DPYD: variants seen among roughly 807,000 people sequenced by gnomAD.
DPYD encodes dihydropyrimidine dehydrogenase [NADP(+)].
DPYD carries 109 observed loss-of-function variants against 116.2 expected under a neutral mutation model. The ratio of observed to expected loss-of-function variants is 0.94; its 90% confidence interval spans 0.80 to 1.10. DPYD has a LOEUF of 1.10. Among genes scored for constraint, DPYD ranks in the 50% least tolerant of loss-of-function variants. DPYD has a pLI of 0.00. For missense variants in DPYD, 1,302 were observed against 1,254.5 expected, an observed-to-expected ratio of 1.04 and a Z score of -0.57; for synonymous variants, 440 against 432.0, an observed-to-expected ratio of 1.02 and a Z score of -0.23.
At chr1:97,453,522 T>C (rs955749995) in intron 13 of DPYD, among the ~76,000 whole-genome samples, 2 of 152,126 alleles carry the variant, frequency 1.3e-5, no homozygotes, top group Non-Finnish European at 2.9e-5. Context: ...GTTCAGGAAT[T>C]CTAAGCTATA....
chr1:97,221,013 T>G (rs1272311145), intron 19 of DPYD, among the ~76,000 whole-genome samples: 1 of 152,232 alleles, frequency 6.6e-6, no homozygotes, highest in African/African-American at 2.4e-5. Context: ...GCCAGTCTTC[T>G]AGAAATCTCA....
intron 8 of DPYD, among the ~76,000 whole-genome samples, chr1:97,644,461 A>G (rs1658127506): frequency 6.6e-6 from 1 of 151,954 alleles, no homozygotes; most frequent in Non-Finnish European, 1.5e-5. Flanking sequence ...CAGAGTCTCC[A>G]TCTATTGCCC....
At chr1:97,785,963 G>A (rs985373691) in intron 3 of DPYD, among the ~76,000 whole-genome samples, 1 of 151,080 alleles carries the variant, frequency 6.6e-6, no homozygotes, top group African/African-American at 2.4e-5. Flanking sequence ...AAAGTGCTGG[G>A]ATTACAGGCT....
intron 8 of DPYD, among the ~76,000 whole-genome samples, chr1:97,609,752 CTAGTCTGAA>C: frequency 6.6e-6 from 1 of 151,898 alleles, no homozygotes; most frequent in Non-Finnish European, 1.5e-5. Flanking sequence ...GAAGCTTAAC[CTAGTCTGAA>C]AATTTGGCAT....
intron 16 of DPYD, among the ~76,000 whole-genome samples, chr1:97,363,949 C>T (rs76652879): frequency 0.036 from 5,485 of 152,090 alleles, 470 homozygotes; most frequent in East Asian, 0.26. Flanking sequence ...TTAAATTATA[C>T]GTATAAAAAA....
intron 5 of DPYD, among the ~76,000 whole-genome samples, chr1:97,716,775 A>G (rs1004127378): frequency 1.3e-5 from 2 of 152,224 alleles, no homozygotes; most frequent in East Asian, 3.9e-4. Flanking sequence ...CTTAGGAAAC[A>G]TAAAACATAG....
At chr1:97,360,718 G>A (rs559687415) in intron 16 of DPYD, among the ~76,000 whole-genome samples, 29 of 152,078 alleles carry the variant, frequency 1.9e-4, no homozygotes, top group African/African-American at 4.8e-4. Context: ...GGTAAATAAC[G>A]AAATTAAGGC....
chr1:97,195,598 G>A (rs12567803), intron 19 of DPYD, among the ~76,000 whole-genome samples: 934 of 70,180 alleles, frequency 0.013, 55 homozygotes, highest in African/African-American at 0.052. Flanking sequence ...ATATATATGT[G>A]TGTGTGTGTA....
At chr1:97,569,463 A>T (rs1198592871) in intron 11 of DPYD, among the ~76,000 whole-genome samples, 2 of 148,456 alleles carry the variant, frequency 1.3e-5, no homozygotes, top group Non-Finnish European at 3.0e-5. Flanking sequence ...ACATATATGT[A>T]TAATAAAATA....
intron 19 of DPYD, among the ~76,000 whole-genome samples, chr1:97,198,565 T>G (rs1280556887): frequency 1.3e-5 from 2 of 152,202 alleles, no homozygotes; most frequent in Non-Finnish European, 1.5e-5. Flanking sequence ...ATTGAGGGCC[T>G]TATCGCTATC....
chr1:97,887,469 TAAAAAAAAAAA>T lies in DPYD; in HGVS notation c.40-4106_40-4096del, dbSNP rs57316508. ...TGGGTGACAAAGTGAGACTCTGCAT[TAAAAAAAAAAA>T]AAAAAAAAAAAAAAAGTATATCCAG... On this transcript the variant is annotated intron_variant, in intron 1 of 22. Transcript: ENST00000370192. Among the ~76,000 whole-genome samples the T allele has an allele frequency of 3.4e-3, 161 of 47,142 alleles. 2 individuals are homozygous for T. The Middle Eastern group carries it at 0.067, about 20-fold the overall frequency. 30.9% of individuals were successfully genotyped at this position (47,142 alleles called of 152,430 possible).
intron 1 of DPYD, among the ~76,000 whole-genome samples, chr1:97,890,687 G>A (rs931764526): frequency 4.0e-5 from 6 of 151,812 alleles, no homozygotes; most frequent in African/African-American, 1.4e-4. Context: ...TTCAAATTGA[G>A]AAATAAAAAG....
intron 11 of DPYD, among the ~76,000 whole-genome samples, chr1:97,566,055 C>A (rs552393554): frequency 6.6e-6 from 1 of 152,252 alleles, no homozygotes; most frequent in East Asian, 1.9e-4. Flanking sequence ...TGGCTTCCCT[C>A]CCTTCCACCC....
chr1:97,633,880 G>A (rs1222593139), intron 8 of DPYD, among the ~76,000 whole-genome samples: 3 of 151,998 alleles, frequency 2.0e-5, no homozygotes, highest in Non-Finnish European at 4.4e-5. Flanking sequence ...GTGCAAACTC[G>A]TTTCAGCGTT....
At chr1:97,561,907 C>A (rs1652178717) in intron 11 of DPYD, among the ~76,000 whole-genome samples, 1 of 152,186 alleles carries the variant, frequency 6.6e-6, no homozygotes, top group South Asian at 2.1e-4. Flanking sequence ...CTTGCTGCTG[C>A]AAGTCATCTC....
At chr1:97,148,892 A>G (rs1654821382) in intron 20 of DPYD, among the ~76,000 whole-genome samples, 2 of 152,180 alleles carry the variant, frequency 1.3e-5, no homozygotes, top group Non-Finnish European at 2.9e-5. Flanking sequence ...CTTAACTTTC[A>G]ACTCAGTTAT....
In DPYD at chr1:97,737,832, AAAC is replaced by A. The variant is rs577783152; in HGVS notation, c.321+2557_321+2559del. 2.4e-4 allele frequency among the ~76,000 whole-genome samples: 36 copies of A among 152,302 alleles called. No homozygotes were observed. In the South Asian group the frequency reaches 7.2e-3, roughly 31 times the overall value. ...ATCAATGTAACTTTCTTATAAATGC[AAAC>A]ATTATTATCAATAATTTCTGCTGCT... On this transcript the variant is annotated intron_variant, in intron 4 of 22. Coordinates refer to ENST00000370192, the MANE Select transcript of DPYD (RefSeq NM_000110.4).
At chr1:97,231,801 A>T (rs1390629186) in intron 19 of DPYD, among the ~76,000 whole-genome samples, 2 of 152,214 alleles carry the variant, frequency 1.3e-5, no homozygotes, top group Non-Finnish European at 2.9e-5. Flanking sequence ...CTACCAGCAC[A>T]TGGTAGACAG....
At chr1:97,348,047 T>C (rs1026215169) in intron 16 of DPYD, among the ~76,000 whole-genome samples, 3 of 152,144 alleles carry the variant, frequency 2.0e-5, no homozygotes, top group Non-Finnish European at 1.5e-5. Flanking sequence ...AAATAGCTTT[T>C]GCTTGTACAG....
Sources: gnomAD v4.1 joint callset for allele counts (sites outside exome capture counted in the v4.1 genomes callset) on GRCh38, gnomAD v4.1.1 for gene constraint, MANE v1.5 for transcripts, NCBI Gene and HGNC (gene_info 2026-07-23, HGNC 2026-07-21) for gene names.